The following CATSPER3 variants were observed in gnomAD, a reference collection of about 807,000 sequenced individuals.
CATSPER3 encodes the protein cation channel sperm-associated protein 3.
A neutral mutation model predicts 36.6 loss-of-function variants in CATSPER3; 23 were observed. The ratio of observed to expected loss-of-function variants is 0.63; its 90% CI spans 0.45 to 0.89. The LOEUF (loss-of-function observed/expected upper bound fraction) is 0.89, where lower values mean the gene tolerates loss of function less well. Among genes scored for constraint, CATSPER3 ranks in the 40% least tolerant of loss-of-function variants. The probability of loss-of-function intolerance (pLI) is 0.00; values close to 1 mark genes in which losing one functional copy is unlikely to be tolerated. For missense variants in CATSPER3, 474 were observed against 503.9 expected, an observed-to-expected ratio of 0.94 and a Z score of 0.57; for synonymous variants, 172 against 184.1, an observed-to-expected ratio of 0.93 and a Z score of 0.53.
rs553836312 is a variant in CATSPER3 at position 134,976,449 on chromosome 5, G to A, written c.252+6357G>A. On this transcript the variant is annotated intron_variant, in intron 2 of 7. Transcript: ENST00000282611. ...AAGCTGGTGCAAGGGGTGGGCTCCC[G>A]GGGCCTTGGGAAGCTCCACCCCAGT... is the stretch of plus-strand genomic sequence containing the variant. Among the ~76,000 whole-genome samples the A allele has an allele frequency of 5.3e-5, 8 of 150,584 alleles. No homozygotes were observed. In the East Asian group the frequency reaches 6.0e-4, roughly 11 times the overall value.
intron 2 of CATSPER3, among the ~76,000 whole-genome samples, chr5:134,986,617 G>A (rs1363787363): frequency 3.3e-5 from 5 of 151,144 alleles, no homozygotes; most frequent in East Asian, 1.9e-4. Context: ...GCATGCCACC[G>A]CGCCCAGCTA....
intron 2 of CATSPER3, among the ~76,000 whole-genome samples, chr5:134,980,429 CT>C (rs1751736888): frequency 9.1e-6 from 1 of 110,072 alleles, no homozygotes; most frequent in East Asian, 2.8e-4. Context: ...TTTTTTCTTT[CT>C]TTCTTTTTTT....
chr5:134,980,006 A>T (rs1297307412), intron 2 of CATSPER3, among the ~76,000 whole-genome samples: 1 of 120,554 alleles, frequency 8.3e-6, no homozygotes, highest in Admixed American at 9.4e-5. Flanking sequence ...TTTTGAGACA[A>T]AGTCTTACTC....
chr5:135,010,848 G>A (rs1279844900), intron 7 of CATSPER3, among the ~76,000 whole-genome samples: 1 of 152,196 alleles, frequency 6.6e-6, no homozygotes, highest in African/African-American at 2.4e-5. Context: ...AAAGACCACT[G>A]GGTAGCCTCA....
Position 135,011,492 on chromosome 5 carries a change from A to G in CATSPER3, c.1095-29A>G, listed in dbSNP as rs751896613. 9.6e-6 allele frequency: 15 copies of G among 1,569,206 alleles called. No individual in the cohort carries two copies. In the Admixed American group the frequency reaches 1.5e-4, roughly 16 times the overall value. Reference sequence around the variant, plus strand: ...TCCTGGAGCCTGCCTCTGACCTCAGATCTTATCTCCTCCTGCTCCATTTTT... The same window carrying G: ...TCCTGGAGCCTGCCTCTGACCTCAGGTCTTATCTCCTCCTGCTCCATTTTT... On this transcript the variant is annotated intron_variant, in intron 7 of 7. Coordinates refer to ENST00000282611, the MANE Select transcript of CATSPER3 (RefSeq NM_178019.3).
chr5:135,007,789 T>TCAAC (rs1414445602), intron 3 of CATSPER3, among the ~76,000 whole-genome samples, 168 bp from the exon 4 acceptor site: 1 of 152,086 alleles, frequency 6.6e-6, no homozygotes. Flanking sequence ...GTTAGTTTAT[T>TCAAC]CAACCAACCA....
At chr5:135,008,802 G>A (rs748209791) in intron 4 of CATSPER3, 39 bp from the exon 5 acceptor site, 1 of 1,602,580 alleles carries the variant, frequency 6.2e-7, no homozygotes, top group Non-Finnish European at 8.5e-7. Context: ...CTGTGCCACT[G>A]GGTCTGGGCC....
intron 3 of CATSPER3, among the ~76,000 whole-genome samples, chr5:135,002,573 C>T (rs1752034456): frequency 6.6e-6 from 1 of 152,200 alleles, no homozygotes; most frequent in Admixed American, 6.5e-5. Flanking sequence ...AACTTGGTTC[C>T]ATTCTCCCTG....
At chr5:134,989,650 A>T (rs1181883466) in intron 2 of CATSPER3, among the ~76,000 whole-genome samples, 2 of 152,222 alleles carry the variant, frequency 1.3e-5, no homozygotes, top group East Asian at 3.8e-4. Flanking sequence ...GCTCTGGATT[A>T]GGCCTTGGTT....
chr5:135,005,150 G>A (rs1752069376), intron 3 of CATSPER3, among the ~76,000 whole-genome samples: 1 of 152,200 alleles, frequency 6.6e-6, no homozygotes, highest in Admixed American at 6.5e-5. Flanking sequence ...TCAAGGCTGG[G>A]GGCACTTGCT....
At chr5:134,981,145 C>CCT (rs914230717) in intron 2 of CATSPER3, among the ~76,000 whole-genome samples, 11 of 150,846 alleles carry the variant, frequency 7.3e-5, no homozygotes, top group Admixed American at 2.6e-4. Flanking sequence ...TTCCCCAAAC[C>CCT]CTCTCTCTCT....
intron 2 of CATSPER3, among the ~76,000 whole-genome samples, chr5:134,981,003 G>C (rs1751743538): frequency 6.6e-6 from 1 of 152,142 alleles, no homozygotes; most frequent in East Asian, 1.9e-4. Flanking sequence ...TCAGGCATGA[G>C]TTACAATGCC....
At chr5:135,004,515 G>A (rs1375422493) in intron 3 of CATSPER3, among the ~76,000 whole-genome samples, 1 of 152,202 alleles carries the variant, frequency 6.6e-6, no homozygotes, top group African/African-American at 2.4e-5. Context: ...CTGGAGGCCC[G>A]AGGTGTTCAT....
chr5:134,989,239 A>ATT (rs1187359262), intron 2 of CATSPER3, among the ~76,000 whole-genome samples: 10 of 152,222 alleles, frequency 6.6e-5, no homozygotes, highest in African/African-American at 2.4e-4. Flanking sequence ...GGGCTCTAGG[A>ATT]TTTTTGGAAT....
chr5:134,986,146 C>CT (rs35542434), intron 2 of CATSPER3, among the ~76,000 whole-genome samples: 31,600 of 146,064 alleles, frequency 0.22, 3,658 homozygotes, highest in Middle Eastern at 0.33. Flanking sequence ...ACAGCATACT[C>CT]TTTTTTTTTT....
chr5:134,985,093 A>G (rs1198142305), intron 2 of CATSPER3, among the ~76,000 whole-genome samples: 2 of 152,196 alleles, frequency 1.3e-5, no homozygotes, highest in Admixed American at 6.5e-5. Flanking sequence ...TGCTGGGATT[A>G]CAGTCATGAG....
Position 135,009,384 on chromosome 5 carries a change from A to G in CATSPER3, c.830A>G (p.Lys277Arg), listed in dbSNP as rs1172225104. ...MIMHTEDSIR[K>R]FERELMLEQQ... ...CTGACTCTCTAGGACTCCATCAGAA[A>G]GTTTGAGCGAGAGCTGATGTTGGAG... The change falls in exon 6 of 8, where the codon AAG (lysine) becomes AGG (arginine). Residue 277 changes from lysine to arginine, a missense_variant. Lys to Arg is a conservative substitution (Grantham distance 26). Transcript: ENST00000282611. The G allele has an allele frequency of 6.2e-7, 1 of 1,613,382 alleles. No individual in the cohort carries two copies. Among genetic ancestry groups the G allele is most frequent in the Admixed American group, 1.7e-5 (1 of 60,012 alleles).
At chr5:135,007,848 T>G in intron 3 of CATSPER3, 109 bp from the exon 4 acceptor site, 1 of 465,988 alleles carries the variant, frequency 2.1e-6, no homozygotes, top group Admixed American at 2.5e-5. Context: ...GTGCCAGGCA[T>G]GGCAACAGTT....
chr5:134,968,648 A>ACG, intron 1 of CATSPER3: 2 of 152,336 alleles, frequency 1.3e-5, no homozygotes, highest in Non-Finnish European at 2.9e-5. Flanking sequence ...CCAAGATTGC[A>ACG]CCACTGCACT....
Sources: gnomAD v4.1 joint callset for allele counts (sites outside exome capture counted in the v4.1 genomes callset) on GRCh38, gnomAD v4.1.1 for gene constraint, MANE v1.5 for transcripts, NCBI Gene and HGNC (gene_info 2026-07-23, HGNC 2026-07-21) for gene names.